Variants in NDRG3 observed in about 807,000 individuals in gnomAD.
The protein encoded by NDRG3 is protein NDRG3.
Under a neutral mutation model 57.2 loss-of-function variants are expected in NDRG3, and 23 were observed. The ratio of observed to expected loss-of-function variants is 0.40; its 90% confidence interval spans 0.29 to 0.57. The LOEUF is 0.57. Among genes scored for constraint, NDRG3 ranks in the 20% least tolerant of loss-of-function variants. NDRG3 has a pLI of 0.42. For missense variants in NDRG3, 384 were observed against 457.3 expected (o/e 0.84, Z 1.46); for synonymous variants, 132 against 162.6 (o/e 0.81, Z 1.43).
intron 8 of NDRG3, among the ~76,000 whole-genome samples, chr20:36,675,996 T>G (rs1980660999): frequency 6.6e-6 from 1 of 152,092 alleles, no homozygotes; most frequent in African/African-American, 2.4e-5. Context: ...ATCCCAGCAC[T>G]TTGGGAGGCT....
At chr20:36,700,633 A>G in intron 3 of NDRG3, 1 of 365,160 alleles carries the variant, frequency 2.7e-6, no homozygotes, top group Non-Finnish European at 5.4e-6. Flanking sequence ...CTATCCAGTT[A>G]TCTCATCTCC....
At chr20:36,700,133 A>C (rs1310232056) in intron 3 of NDRG3, among the ~76,000 whole-genome samples, 2 of 151,554 alleles carry the variant, frequency 1.3e-5, no homozygotes, top group Non-Finnish European at 2.9e-5. Flanking sequence ...AAAAAAAAAA[A>C]AGTAGATGAA....
At chr20:36,712,580 TATATATA>T (rs1226113574) in intron 2 of NDRG3, among the ~76,000 whole-genome samples, 1 of 27,006 alleles carries the variant, frequency 3.7e-5, no homozygotes, top group African/African-American at 1.3e-4. Context: ...TATATATATA[TATATATA>T]TTTTTTTTTT....
chr20:36,661,530 A>C (rs1979197868), intron 12 of NDRG3, among the ~76,000 whole-genome samples: 1 of 152,200 alleles, frequency 6.6e-6, no homozygotes, highest in Non-Finnish European at 1.5e-5. Context: ...GTGAACACAG[A>C]AAGGAGTGGG....
chr20:36,732,331 T>C (rs1281437997), intron 1 of NDRG3, among the ~76,000 whole-genome samples: 1 of 152,150 alleles, frequency 6.6e-6, no homozygotes, highest in Non-Finnish European at 1.5e-5. Context: ...GTGAGACCAC[T>C]AGGGCTCTGC....
chr20:36,672,890 GTCTC>G (rs1429638499), intron 8 of NDRG3, among the ~76,000 whole-genome samples: 4 of 152,052 alleles, frequency 2.6e-5, no homozygotes, highest in African/African-American at 9.6e-5. Context: ...GATTGACAGG[GTCTC>G]TCTCTGTCAC....
intron 2 of NDRG3, 72 bp from the exon 3 acceptor site, chr20:36,707,079 C>A: frequency 7.1e-7 from 1 of 1,401,598 alleles, no homozygotes; most frequent in Non-Finnish European, 1.0e-6. Flanking sequence ...ACATTCAGTT[C>A]ACAGTGACAG....
Position 36,721,738 on chromosome 20 carries a change from G to T in NDRG3, c.-3C>A. On this transcript the variant is annotated 5_prime_UTR_variant, in exon 2 of 16. Coordinates refer to ENST00000349004, the MANE Select transcript of NDRG3 (RefSeq NM_032013.4). ...TGAACATCCTGAAGTTCATCCATGAGGTCAGATAACGAGAGTAGAGGAATC... is the reference window on the plus strand; with the variant it reads ...TGAACATCCTGAAGTTCATCCATGATGTCAGATAACGAGAGTAGAGGAATC... The T allele has an allele frequency of 6.2e-7, 1 of 1,603,546 alleles. No homozygotes were observed. Among genetic ancestry groups the T allele is most frequent in the Non-Finnish European group, 8.5e-7 (1 of 1,171,228 alleles).
At chr20:36,692,183 C>A (rs1207096857) in intron 3 of NDRG3, among the ~76,000 whole-genome samples, 1 of 152,108 alleles carries the variant, frequency 6.6e-6, no homozygotes, top group African/African-American at 2.4e-5. Context: ...GACCAGGATG[C>A]AGAGAAATAA....
intron 6 of NDRG3, among the ~76,000 whole-genome samples, chr20:36,683,660 A>ACG (rs1981518775): frequency 1.3e-5 from 2 of 148,830 alleles, no homozygotes; most frequent in African/African-American, 5.0e-5. Context: ...ATATATGTAT[A>ACG]TATACATATA....
intron 2 of NDRG3, among the ~76,000 whole-genome samples, chr20:36,707,865 C>T (rs1412984528): frequency 6.6e-6 from 1 of 152,162 alleles, no homozygotes; most frequent in Admixed American, 6.6e-5. Context: ...AGGCAGATCA[C>T]CTGAGGTCAG....
chr20:36,678,675 C>T (rs1451161615), intron 8 of NDRG3, among the ~76,000 whole-genome samples: 3 of 152,046 alleles, frequency 2.0e-5, no homozygotes, highest in Non-Finnish European at 2.9e-5. Flanking sequence ...AGCGAGACTC[C>T]GTCTCAAACA....
At chr20:36,735,131 G>C (rs1985536436) in intron 1 of NDRG3, among the ~76,000 whole-genome samples, 1 of 152,108 alleles carries the variant, frequency 6.6e-6, no homozygotes, top group Non-Finnish European at 1.5e-5. Context: ...ATATTTACAA[G>C]ATATACATAC....
chr20:36,691,712 T>A (rs1338095738), intron 3 of NDRG3, among the ~76,000 whole-genome samples: 1 of 152,030 alleles, frequency 6.6e-6, no homozygotes, highest in Non-Finnish European at 1.5e-5. Flanking sequence ...TGAGACTCTG[T>A]CTCAAAAAAA....
chr20:36,709,487 G>A (rs187800259), intron 2 of NDRG3, among the ~76,000 whole-genome samples: 5 of 152,092 alleles, frequency 3.3e-5, no homozygotes, highest in Admixed American at 1.3e-4. Flanking sequence ...ACACGAAACC[G>A]AATTCACAAA....
intron 8 of NDRG3, among the ~76,000 whole-genome samples, 174 bp from the exon 9 acceptor site, chr20:36,671,571 G>C (rs1980165704): frequency 6.6e-6 from 1 of 152,176 alleles, no homozygotes; most frequent in African/African-American, 2.4e-5. Context: ...GGGAGGCTGA[G>C]GCGGGCAGAT....
At chr20:36,688,417 G>T (rs1981973584) in intron 4 of NDRG3, among the ~76,000 whole-genome samples, 1 of 150,450 alleles carries the variant, frequency 6.6e-6, no homozygotes, top group Non-Finnish European at 1.5e-5. Flanking sequence ...ATGGATTTCA[G>T]TTCTACTTTC....
chr20:36,671,259 G>A (rs1980123700), intron 9 of NDRG3, 82 bp downstream of exon 9: 1 of 1,153,514 alleles, frequency 8.7e-7, no homozygotes, highest in South Asian at 1.3e-5. Context: ...AAATTCTAAG[G>A]CAGCCCTTCT....
chr20:36,695,452 C>A (rs776487799), intron 3 of NDRG3, among the ~76,000 whole-genome samples: 1 of 152,128 alleles, frequency 6.6e-6, no homozygotes, highest in Non-Finnish European at 1.5e-5. Flanking sequence ...AGAGCAATAT[C>A]GCTGAATTCT....
Sources: gnomAD v4.1 joint callset for allele counts (sites outside exome capture counted in the v4.1 genomes callset) on GRCh38, gnomAD v4.1.1 for gene constraint, MANE v1.5 for transcripts, NCBI Gene and HGNC (gene_info 2026-07-23, HGNC 2026-07-21) for gene names.